Variants in TRAPPC9 observed in about 807,000 individuals in gnomAD.
TRAPPC9 encodes the protein IKK2 binding protein.
A neutral mutation model predicts 124.0 loss-of-function variants in TRAPPC9; 83 were observed. That is an observed-to-expected ratio of 0.67 (90% confidence interval 0.56 to 0.80). TRAPPC9 has a LOEUF of 0.80. Among genes scored for constraint, TRAPPC9 ranks in the 30% least tolerant of loss-of-function variants. TRAPPC9 has a pLI of 0.00. For synonymous variants in TRAPPC9, 638 were observed against 617.5 expected, an observed-to-expected ratio of 1.03 and a Z score of -0.49; for missense variants, 1,302 against 1,508.3, an observed-to-expected ratio of 0.86 and a Z score of 2.27.
chr8:140,311,308 AT>A lies in TRAPPC9; in HGVS notation c.1561del (p.Ile521SerfsTer23). The A allele has an allele frequency of 6.2e-7, 1 of 1,613,892 alleles. No individual in the cohort carries two copies. The highest frequency in any genetic ancestry group is 1.1e-5 in the South Asian group (1 of 91,088). On this transcript the variant is annotated frameshift_variant, in exon 10 of 23. Transcript: ENST00000438773. LOFTEE classifies it high-confidence loss of function. Reference sequence around the variant, plus strand: ...CAGGGTGAGGCCGCCAGGGAGGGCGATGGGCTCCATGGTCCCAGGACACTTG... The same window carrying A: ...CAGGGTGAGGCCGCCAGGGAGGGCGAGGGCTCCATGGTCCCAGGACACTTG... ...TSKCPGTMEP[I>X]ALPGGLTLPP...
rs2070967666 is a variant in TRAPPC9, at chr8:140,440,326, T to C, written c.585-1129A>G. On this transcript the variant is annotated intron_variant, in intron 2 of 22. Coordinates refer to ENST00000438773, the MANE Select transcript of TRAPPC9 (RefSeq NM_001160372.4). ...ATCGAGACCATCCTGGCTAACACGG[T>C]GAAACCCCATCTCTACTAAAAATAC... is the stretch of plus-strand genomic sequence containing the variant. 2.0e-5 allele frequency among the ~76,000 whole-genome samples: 3 copies of C among 152,084 alleles called. No homozygotes were observed. The East Asian group carries it at 5.8e-4, about 29-fold the overall frequency.
At chr8:140,264,119 C>T (rs929062118) in intron 15 of TRAPPC9, among the ~76,000 whole-genome samples, 4 of 152,174 alleles carry the variant, frequency 2.6e-5, no homozygotes, top group Non-Finnish European at 4.4e-5. Flanking sequence ...CTAATAAAAG[C>T]ACCTCGGAAA....
Position 139,750,434 on chromosome 8 carries a change from G to T in TRAPPC9, c.3056-18232C>A, listed in dbSNP as rs566081227. ...AGACAAGAGGCGCCCTCAGGCTGCC[G>T]CCCCTTTGTATTTATTGCTGGGTCT... is the stretch of plus-strand genomic sequence containing the variant. On this transcript the variant is annotated intron_variant, in intron 21 of 22. Transcript: ENST00000438773. 2.6e-5 allele frequency among the ~76,000 whole-genome samples: 4 copies of T among 152,236 alleles called. No homozygotes were observed. In the East Asian group the frequency reaches 7.7e-4, roughly 29 times the overall value.
At chr8:140,049,647 C>T (rs1841854253) in intron 17 of TRAPPC9, among the ~76,000 whole-genome samples, 1 of 151,900 alleles carries the variant, frequency 6.6e-6, no homozygotes, top group Admixed American at 6.6e-5. Context: ...AACTCATATA[C>T]AGCTGAAAGG....
At chr8:139,903,251 T>C (rs999893354) in intron 20 of TRAPPC9, among the ~76,000 whole-genome samples, 1 of 152,142 alleles carries the variant, frequency 6.6e-6, no homozygotes, top group East Asian at 1.9e-4. Flanking sequence ...CTAAAGCCAT[T>C]TGCCTTGGGC....
chr8:139,856,103 A>G (rs962929791), intron 21 of TRAPPC9, among the ~76,000 whole-genome samples: 1 of 152,192 alleles, frequency 6.6e-6, no homozygotes, highest in Admixed American at 6.5e-5. Context: ...GGCAACGCAC[A>G]CAGCCAGGGA....
intron 16 of TRAPPC9, among the ~76,000 whole-genome samples, chr8:140,229,726 T>A (rs2063548709): frequency 1.3e-5 from 2 of 151,862 alleles, no homozygotes; most frequent in East Asian, 3.9e-4. Context: ...CCCAGCTAAT[T>A]TTTGCATTTT....
chr8:140,185,796 T>C (rs2062340952), intron 17 of TRAPPC9, among the ~76,000 whole-genome samples: 1 of 152,226 alleles, frequency 6.6e-6, no homozygotes, highest in Admixed American at 6.5e-5. Flanking sequence ...GGAAGGGTTT[T>C]AGGTGAGAAC....
chr8:140,306,835 A>G (rs934817240), intron 10 of TRAPPC9, among the ~76,000 whole-genome samples: 1 of 152,186 alleles, frequency 6.6e-6, no homozygotes, highest in Non-Finnish European at 1.5e-5. Flanking sequence ...ATATTCATCA[A>G]TGCATTATCT....
At chr8:140,033,675 T>TTG (rs1563706854) in intron 17 of TRAPPC9, among the ~76,000 whole-genome samples, 95 of 104,530 alleles carry the variant, frequency 9.1e-4, no homozygotes, top group South Asian at 2.2e-3. Flanking sequence ...TTTTTTTTTT[T>TTG]TTTTTTTTTT....
At chr8:140,185,026 C>A (rs909137904) in intron 17 of TRAPPC9, among the ~76,000 whole-genome samples, 24 of 152,202 alleles carry the variant, frequency 1.6e-4, no homozygotes, top group Non-Finnish European at 1.5e-4. Context: ...CAGGAGAGCA[C>A]TCTTTCCATG....
At chr8:140,327,324 C>T (rs937394851) in intron 9 of TRAPPC9, among the ~76,000 whole-genome samples, 11 of 152,178 alleles carry the variant, frequency 7.2e-5, no homozygotes, top group Non-Finnish European at 1.3e-4. Flanking sequence ...TAAAATAGTA[C>T]ATCTGCTGTG....
At chr8:140,433,316 C>A (rs1015450157) in intron 4 of TRAPPC9, among the ~76,000 whole-genome samples, 1 of 143,914 alleles carries the variant, frequency 6.9e-6, no homozygotes, top group Non-Finnish European at 1.5e-5. Flanking sequence ...AGGCCAGGAG[C>A]GGTGGCTCAC....
chr8:140,376,505 G>A (rs553141922), intron 7 of TRAPPC9, among the ~76,000 whole-genome samples: 7 of 147,074 alleles, frequency 4.8e-5, no homozygotes, highest in African/African-American at 1.5e-4. Context: ...GCAGTGAGCC[G>A]GGATTGCGCC....
intron 15 of TRAPPC9, among the ~76,000 whole-genome samples, chr8:140,268,002 ACT>A (rs2064742376): frequency 6.6e-6 from 1 of 151,892 alleles, no homozygotes; most frequent in African/African-American, 2.4e-5. Flanking sequence ...ATATAAAATA[ACT>A]CTATCAAAGT....
chr8:139,892,573 T>G (rs553730571), intron 20 of TRAPPC9, among the ~76,000 whole-genome samples: 5 of 152,154 alleles, frequency 3.3e-5, no homozygotes, highest in Non-Finnish European at 7.4e-5. Context: ...CAGTCACGGG[T>G]AACACGCACC....
chr8:140,407,701 C>A (rs183375783), intron 5 of TRAPPC9, among the ~76,000 whole-genome samples: 73 of 152,244 alleles, frequency 4.8e-4, no homozygotes, highest in Non-Finnish European at 9.0e-4. Flanking sequence ...CTCGCTACAA[C>A]CCCCCTCCTC....
At chr8:140,086,268 T>C (rs543266429) in intron 17 of TRAPPC9, among the ~76,000 whole-genome samples, 4 of 150,874 alleles carry the variant, frequency 2.7e-5, no homozygotes, top group Non-Finnish European at 5.9e-5. Flanking sequence ...AGAGAGGAGA[T>C]GGTGGGAGAG....
At chr8:139,874,785 G>A (rs1457216076) in intron 21 of TRAPPC9, among the ~76,000 whole-genome samples, 1 of 152,178 alleles carries the variant, frequency 6.6e-6, no homozygotes, top group African/African-American at 2.4e-5. Context: ...GGGCTCTGTA[G>A]CCATGAGAAT....
Sources: gnomAD v4.1 joint callset for allele counts (sites outside exome capture counted in the v4.1 genomes callset) on GRCh38, gnomAD v4.1.1 for gene constraint, MANE v1.5 for transcripts, NCBI Gene and HGNC (gene_info 2026-07-23, HGNC 2026-07-21) for gene names.